Variants in SLCO1A2 observed in about 807,000 individuals in gnomAD.
The protein encoded by SLCO1A2 is OATP-1.
Under a neutral mutation model 69.0 loss-of-function variants are expected in SLCO1A2, and 67 were observed. That is an observed-to-expected ratio of 0.97 (90% CI 0.80 to 1.19). The LOEUF (loss-of-function observed/expected upper bound fraction) is 1.19, where lower values mean the gene tolerates loss of function less well. SLCO1A2 is among the 50% of genes most tolerant of loss of function. The probability of loss-of-function intolerance (pLI) is 0.00; values close to 1 mark genes in which losing one functional copy is unlikely to be tolerated. For missense variants in SLCO1A2, 787 were observed against 793.7 expected (o/e 0.99, Z 0.10); for synonymous variants, 260 against 265.9 (o/e 0.98, Z 0.22).
intron 2 of SLCO1A2, among the ~76,000 whole-genome samples, chr12:21,327,261 C>A (rs1952308369): frequency 6.6e-6 from 1 of 152,152 alleles, no homozygotes; most frequent in Non-Finnish European, 1.5e-5. Flanking sequence ...ACCTGGATGT[C>A]CAGGCAGAGG....
intron 1 of SLCO1A2, among the ~76,000 whole-genome samples, chr12:21,392,617 T>C (rs1469899709): frequency 6.6e-6 from 1 of 152,132 alleles, no homozygotes; most frequent in Non-Finnish European, 1.5e-5. Context: ...TTTTTATCTC[T>C]ACCCTTTGAT....
intron 14 of SLCO1A2, among the ~76,000 whole-genome samples, chr12:21,270,354 A>C (rs1171595465): frequency 6.6e-6 from 1 of 151,784 alleles, no homozygotes; most frequent in Non-Finnish European, 1.5e-5. Context: ...CTATCCTTGC[A>C]TGCTTAAAAT....
At chr12:21,329,611 G>A (rs1327894129) in intron 2 of SLCO1A2, among the ~76,000 whole-genome samples, 2 of 151,120 alleles carry the variant, frequency 1.3e-5, no homozygotes, top group African/African-American at 4.9e-5. Flanking sequence ...GTAATTGAAT[G>A]TAGCTCAGCT....
intron 2 of SLCO1A2, among the ~76,000 whole-genome samples, chr12:21,344,184 C>G (rs1381415632): frequency 6.6e-6 from 1 of 152,016 alleles, no homozygotes; most frequent in Non-Finnish European, 1.5e-5. Flanking sequence ...TCAGTTGTAT[C>G]TATTAAAAAA....
upstream of SLCO1A2, chr12:21,395,440 TG>T: frequency 6.5e-6 from 1 of 154,300 alleles, no homozygotes; most frequent in Non-Finnish European, 1.4e-5. Context: ...GCAGCGAGAC[TG>T]GGGGAGGGGC....
chr12:21,293,807 G>T, intron 11 of SLCO1A2, 138 bp downstream of exon 11: 1 of 600,460 alleles, frequency 1.7e-6, no homozygotes, highest in Non-Finnish European at 2.7e-6. Flanking sequence ...GACCATCATA[G>T]AGTTATTTTT....
Position 21,403,237 on chromosome 12 carries a change from C to T in SLCO1A2, c.-312+14645G>A, listed in dbSNP as rs754132244. ...CATAAACAAACAATATTATTACTAC[C>T]GCACAAAACAAATCCTGCATTAAAT... On this transcript the variant is annotated intron_variant, in intron 1 of 4. Transcript: ENST00000413682. Among the ~76,000 whole-genome samples the T allele has an allele frequency of 5.3e-5, 8 of 152,022 alleles. No homozygotes were observed. The East Asian group carries it at 9.6e-4, about 18-fold the overall frequency.
At chr12:21,364,349 T>C (rs569073436) in intron 2 of SLCO1A2, among the ~76,000 whole-genome samples, 3 of 152,206 alleles carry the variant, frequency 2.0e-5, no homozygotes, top group Non-Finnish European at 4.4e-5. Flanking sequence ...ATTTAACAGC[T>C]CTTCATGCTG....
intron 1 of SLCO1A2, among the ~76,000 whole-genome samples, chr12:21,405,537 G>C (rs1941809855): frequency 6.6e-6 from 1 of 152,102 alleles, no homozygotes; most frequent in Admixed American, 6.5e-5. Flanking sequence ...TATGCTACAA[G>C]GCTACAGTAA....
rs1255532255 is a variant in SLCO1A2, at chr12:21,293,997, A to G, written c.1385T>C (p.Leu462Pro). 2 of 1,613,050 alleles carry G rather than the reference A, an allele frequency of 1.2e-6. No homozygotes were observed. The highest frequency in any genetic ancestry group is 3.3e-5 in the Admixed American group (2 of 59,866). The change falls in exon 11 of 15, where the codon CTG becomes CCG. Residue 462 changes from leucine to proline, a missense_variant. Physicochemically the swap from Leu to Pro is moderately conservative, Grantham distance 98. Coordinates refer to ENST00000683939, the MANE Select transcript of SLCO1A2 (RefSeq NM_001386879.1). The part of the protein sequence containing the change: ...PVCGNNGLSY[L>P]SACLAGCETS... The stretch of plus-strand genomic sequence containing the variant: ...CTCACAACCAGCAAGACAAGCTGAC[A>G]GATATGACAAGCCATTGTTTCCACA...
intron 1 of SLCO1A2, among the ~76,000 whole-genome samples, chr12:21,413,361 C>T (rs1476273826): frequency 2.0e-5 from 3 of 150,714 alleles, no homozygotes; most frequent in African/African-American, 7.3e-5. Context: ...CCTGCCTCAG[C>T]CTCCTGAGTA....
At chr12:21,397,930 C>T (rs1941534304), upstream of SLCO1A2, among the ~76,000 whole-genome samples, 1 of 95,754 alleles carries the variant, frequency 1.0e-5, no homozygotes, top group Admixed American at 1.2e-4. Flanking sequence ...AGGAAAGATC[C>T]AAAATTGACA....
rs192396433 is a variant in SLCO1A2 at position 21,279,604 on chromosome 12, A to G, written c.1611-4180T>C. Among the ~76,000 whole-genome samples the G allele has an allele frequency of 3.3e-5, 5 of 152,346 alleles. No individual in the cohort carries two copies. The East Asian group carries it at 9.6e-4, about 29-fold the overall frequency. On this transcript the variant is annotated intron_variant, in intron 12 of 14. Coordinates refer to ENST00000683939, the MANE Select transcript of SLCO1A2 (RefSeq NM_001386879.1). ...TTTTACCTTTATATCTGGTGAAAAT[A>G]TCCTCCAAACATAAAGAAGAAATAA...
At chr12:21,377,244 A>G (rs572233099) in intron 1 of SLCO1A2, among the ~76,000 whole-genome samples, 171 of 152,272 alleles carry the variant, frequency 1.1e-3, no homozygotes, top group Middle Eastern at 3.4e-3. Flanking sequence ...ATAAGATCCA[A>G]GCAGGAAAAT....
chr12:21,299,532 C>T (rs1169932897), intron 8 of SLCO1A2, among the ~76,000 whole-genome samples: 9 of 150,404 alleles, frequency 6.0e-5, no homozygotes, highest in African/African-American at 2.2e-4. Context: ...TTCCCTCTAC[C>T]AAGTATAGAG....
intron 2 of SLCO1A2, among the ~76,000 whole-genome samples, chr12:21,371,645 TA>T (rs1173895560): frequency 1.5e-4 from 23 of 152,228 alleles, no homozygotes; most frequent in African/African-American, 5.5e-4. Flanking sequence ...AATTGAAATT[TA>T]TTTGCTTTAC....
chr12:21,320,469 TTCTC>T (rs1352088004), intron 2 of SLCO1A2, among the ~76,000 whole-genome samples: 4 of 152,010 alleles, frequency 2.6e-5, no homozygotes, highest in East Asian at 3.9e-4. Flanking sequence ...TATTGCTCTT[TTCTC>T]TCTCTCTCTT....
intron 6 of SLCO1A2, among the ~76,000 whole-genome samples, chr12:21,303,570 G>A (rs1246467055): frequency 1.3e-5 from 2 of 152,062 alleles, no homozygotes; most frequent in Non-Finnish European, 2.9e-5. Flanking sequence ...ATGGCAAAAT[G>A]TCCCTATACT....
chr12:21,321,262 G>A (rs1951582650), intron 2 of SLCO1A2, among the ~76,000 whole-genome samples: 1 of 151,940 alleles, frequency 6.6e-6, no homozygotes, highest in African/African-American at 2.4e-5. Flanking sequence ...CCTCTGTCTT[G>A]TACTCCCTAC....
Sources: allele counts gnomAD v4.1 joint callset (sites outside exome capture counted in the v4.1 genomes callset), GRCh38; gene constraint gnomAD v4.1.1; transcripts MANE v1.5; gene names NCBI Gene and HGNC (gene_info 2026-07-23, HGNC 2026-07-21).